Variants in THSD4 observed in about 807,000 individuals in gnomAD.
THSD4 encodes thrombospondin type-1 domain-containing protein 4.
A neutral mutation model predicts 119.0 loss-of-function variants in THSD4; 69 were observed. The observed-to-expected ratio is 0.58, with a 90% CI of 0.48 to 0.71. The LOEUF (loss-of-function observed/expected upper bound fraction) is 0.71. Among genes scored for constraint, THSD4 ranks in the 30% least tolerant of loss-of-function variants. The pLI is 0.00. For missense variants in THSD4, 1,393 were observed against 1,391.1 expected, an observed-to-expected ratio of 1.00 and a Z score of -0.02; for synonymous variants, 524 against 540.4, an observed-to-expected ratio of 0.97 and a Z score of 0.42.
intron 16 of THSD4, among the ~76,000 whole-genome samples, chr15:71,770,499 A>T (rs1370911660): frequency 2.0e-5 from 3 of 151,972 alleles, no homozygotes; most frequent in Admixed American, 6.6e-5. Flanking sequence ...TACTAAAAAT[A>T]CAAAACTTAG....
At chr15:71,728,755 G>C (rs762238361) in intron 9 of THSD4, 31 bp downstream of exon 9, 1 of 1,611,492 alleles carries the variant, frequency 6.2e-7, no homozygotes, top group Non-Finnish European at 8.5e-7. Flanking sequence ...ACTGTTCTTT[G>C]GATTTTGAAT....
At chr15:71,462,084 A>G (rs890234255) in intron 7 of THSD4, among the ~76,000 whole-genome samples, 1 of 152,166 alleles carries the variant, frequency 6.6e-6, no homozygotes, top group South Asian at 2.1e-4. Context: ...AAGAAATCTA[A>G]CAGGTCTTCC....
intron 6 of THSD4, among the ~76,000 whole-genome samples, chr15:71,377,904 A>C (rs61433937): frequency 4.8e-4 from 38 of 79,966 alleles, no homozygotes; most frequent in South Asian, 1.1e-3. Context: ...ACACACACAC[A>C]CACACACACA....
At chr15:71,406,090 A>G (rs919254953) in intron 6 of THSD4, among the ~76,000 whole-genome samples, 1 of 151,922 alleles carries the variant, frequency 6.6e-6, no homozygotes, top group African/African-American at 2.4e-5. Flanking sequence ...TGGCCCTCAA[A>G]GTATTTTCTA....
At chr15:71,424,476 G>A (rs982723164) in intron 7 of THSD4, among the ~76,000 whole-genome samples, 11 of 152,076 alleles carry the variant, frequency 7.2e-5, no homozygotes, top group African/African-American at 2.7e-4. Flanking sequence ...GAAGGGAAAG[G>A]GCAAGTAGAG....
At chr15:71,183,138 T>C (rs1596252551) in intron 3 of THSD4, 1 of 151,834 alleles carries the variant, frequency 6.6e-6, no homozygotes, top group African/African-American at 2.4e-5. Context: ...CTCCCAATCA[T>C]GGCGGAAGGC....
intron 6 of THSD4, among the ~76,000 whole-genome samples, chr15:71,388,637 G>A (rs965702427): frequency 6.7e-6 from 1 of 149,822 alleles, no homozygotes; most frequent in Admixed American, 6.7e-5. Flanking sequence ...TGTTTCATTC[G>A]AGTATTGATT....
chr15:71,768,287 C>CAAAAAAAAAA (rs1451427543), intron 16 of THSD4, among the ~76,000 whole-genome samples: 2 of 74,168 alleles, frequency 2.7e-5, no homozygotes, highest in African/African-American at 5.9e-5. Flanking sequence ...CAAAAAAAAA[C>CAAAAAAAAAA]CCTGCACCTG....
At chr15:71,495,835 T>G (rs2048007471) in intron 7 of THSD4, among the ~76,000 whole-genome samples, 1 of 152,216 alleles carries the variant, frequency 6.6e-6, no homozygotes, top group Admixed American at 6.5e-5. Context: ...AGTAACTCCA[T>G]GAGGCTTCAC....
At position 71,682,038 on chromosome 15, in the gene THSD4, G is replaced by A. The variant is rs1273982926; in HGVS notation, c.1357+21304G>A. On this transcript the variant is annotated intron_variant, in intron 8 of 17. Transcript: ENST00000261862. ...GGTCTCTCAGTACCATTCAGCATGG[G>A]GACCCTTGGAGCCCCTGTGAAATCC... Among the ~76,000 whole-genome samples the A allele has an allele frequency of 3.9e-5, 6 of 152,144 alleles. No individual in the cohort carries two copies. The South Asian group carries it at 8.3e-4, about 21-fold the overall frequency.
At chr15:71,272,074 T>C in intron 6 of THSD4, among the ~76,000 whole-genome samples, 1 of 151,982 alleles carries the variant, frequency 6.6e-6, no homozygotes, top group East Asian at 1.9e-4. Context: ...TGCAAGAAAC[T>C]GAAACCACTT....
At chr15:71,509,619 C>G (rs1268707449) in intron 7 of THSD4, among the ~76,000 whole-genome samples, 1 of 152,218 alleles carries the variant, frequency 6.6e-6, no homozygotes, top group African/African-American at 2.4e-5. Context: ...GAAATCAAAC[C>G]TGGGTCTGTT....
intron 7 of THSD4, among the ~76,000 whole-genome samples, chr15:71,550,476 G>A (rs7180703): frequency 0.14 from 20,809 of 152,132 alleles, 1,827 homozygotes; most frequent in Middle Eastern, 0.22. Flanking sequence ...TTGCTCTGTC[G>A]CCCAGACTGG....
chr15:71,349,005 A>G (rs1054331658), intron 6 of THSD4, among the ~76,000 whole-genome samples: 1 of 152,230 alleles, frequency 6.6e-6, no homozygotes, highest in Non-Finnish European at 1.5e-5. Context: ...TTTCAGACAT[A>G]AATTCTCTTT....
intron 7 of THSD4, among the ~76,000 whole-genome samples, chr15:71,591,018 A>AAAAAAAAAAAAAAAAAAAAAT: frequency 6.7e-6 from 1 of 149,058 alleles, no homozygotes; most frequent in Non-Finnish European, 1.5e-5. Flanking sequence ...AAAAAAAAAA[A>AAAAAAAAAAAAAAAAAAAAAT]AAAAAAAAAA....
At chr15:71,406,863 T>A (rs1015957526) in intron 6 of THSD4, among the ~76,000 whole-genome samples, 4 of 151,906 alleles carry the variant, frequency 2.6e-5, no homozygotes, top group South Asian at 2.1e-4. Flanking sequence ...TATTTTTTTT[T>A]AATAAAGATA....
intron 6 of THSD4, among the ~76,000 whole-genome samples, chr15:71,325,039 TG>T (rs1326804650): frequency 1.3e-5 from 2 of 152,224 alleles, no homozygotes; most frequent in East Asian, 3.8e-4. Context: ...GGTTTTCATT[TG>T]CATTGCCCTG....
intron 7 of THSD4, among the ~76,000 whole-genome samples, chr15:71,612,319 C>T (rs942013184): frequency 2.0e-5 from 3 of 152,182 alleles, no homozygotes; most frequent in Non-Finnish European, 4.4e-5. Context: ...CAATCACCCC[C>T]CGGTGGGATT....
At chr15:71,164,015 A>G (rs1479286621) in intron 3 of THSD4, among the ~76,000 whole-genome samples, 12 of 152,150 alleles carry the variant, frequency 7.9e-5, no homozygotes, top group Non-Finnish European at 1.5e-4. Flanking sequence ...GTTTGATTCT[A>G]GTAATCCCAT....
Sources: allele counts gnomAD v4.1 joint callset (sites outside exome capture counted in the v4.1 genomes callset), GRCh38; gene constraint gnomAD v4.1.1; transcripts MANE v1.5; gene names NCBI Gene and HGNC (gene_info 2026-07-23, HGNC 2026-07-21).